Variants in UNC13B observed in about 807,000 individuals in gnomAD.
The protein encoded by UNC13B is unc-13 homolog B.
Under a neutral mutation model 211.0 loss-of-function variants are expected in UNC13B, and 144 were observed. That is an observed-to-expected ratio of 0.68 (90% CI 0.60 to 0.78). The LOEUF (loss-of-function observed/expected upper bound fraction) is 0.78, where lower values mean the gene tolerates loss of function less well. UNC13B is among the 30% of genes least tolerant of loss of function. The pLI, the probability that UNC13B is intolerant of heterozygous loss-of-function variation, is 0.00. For synonymous variants in UNC13B, 709 were observed against 725.8 expected, an observed-to-expected ratio of 0.98 and a Z score of 0.37; for missense variants, 1,777 against 2,002.0, an observed-to-expected ratio of 0.89 and a Z score of 2.14.
intron 6 of UNC13B, among the ~76,000 whole-genome samples, chr9:35,251,909 G>A (rs756307230): frequency 6.1e-4 from 92 of 151,584 alleles, no homozygotes; most frequent in Non-Finnish European, 1.6e-4. Context: ...CAGGCTGGTC[G>A]CAAACTTCTG....
intron 7 of UNC13B, among the ~76,000 whole-genome samples, chr9:35,259,847 C>G (rs932934383): frequency 4.0e-5 from 6 of 148,374 alleles, no homozygotes; most frequent in Non-Finnish European, 8.9e-5. Context: ...TTCTGAATCT[C>G]ATGCCAAACT....
At chr9:35,174,268 C>T (rs1312571682) in intron 1 of UNC13B, among the ~76,000 whole-genome samples, 3 of 151,758 alleles carry the variant, frequency 2.0e-5, no homozygotes. Flanking sequence ...GGTGATTCTC[C>T]TACCTTAGCC....
intron 26 of UNC13B, 50 bp downstream of exon 26, chr9:35,390,764 C>A (rs771203051): frequency 6.5e-7 from 1 of 1,533,676 alleles, no homozygotes; most frequent in Non-Finnish European, 8.9e-7. Flanking sequence ...GCCCAAGCTC[C>A]TCGTTCACTG....
intron 7 of UNC13B, chr9:35,291,143 T>A: frequency 6.5e-7 from 1 of 1,544,446 alleles, no homozygotes; most frequent in Non-Finnish European, 8.8e-7. Flanking sequence ...TTTCTTGATC[T>A]TACCCACAAA....
intron 7 of UNC13B, among the ~76,000 whole-genome samples, chr9:35,286,934 G>A (rs1362224128): frequency 2.0e-5 from 3 of 152,018 alleles, no homozygotes; most frequent in African/African-American, 7.2e-5. Context: ...ATCCTCTACC[G>A]TAGACGGGTA....
At chr9:35,361,936 A>G (rs933151445) in intron 11 of UNC13B, 1 of 152,272 alleles carries the variant, frequency 6.6e-6, no homozygotes, top group Non-Finnish European at 1.5e-5. Context: ...AATACAGGAC[A>G]CGTGAGGAGC....
intron 1 of UNC13B, among the ~76,000 whole-genome samples, chr9:35,192,052 C>T (rs1163353746): frequency 6.6e-6 from 1 of 152,154 alleles, no homozygotes; most frequent in Admixed American, 6.5e-5. Context: ...AGAGAGAAGC[C>T]AAAAGCCTGA....
At chr9:35,341,282 T>C (rs1351873436) in intron 11 of UNC13B, among the ~76,000 whole-genome samples, 2 of 152,222 alleles carry the variant, frequency 1.3e-5, no homozygotes, top group Non-Finnish European at 2.9e-5. Flanking sequence ...GAGCTCTTAT[T>C]TTCCAGTTGA....
chr9:35,315,940 G>A lies in UNC13B; in HGVS notation c.9414+1951G>A, dbSNP rs544078832. ...TGCTGTGCTCTTTTCAGAGCATTGCGTCAGAAAGTACCTGATGTCAACATG... is the reference window on the plus strand; with the variant it reads ...TGCTGTGCTCTTTTCAGAGCATTGCATCAGAAAGTACCTGATGTCAACATG... On this transcript the variant is annotated intron_variant, in intron 11 of 39. Transcript: ENST00000635942. Among the ~76,000 whole-genome samples, 156 of 152,300 alleles carry A rather than the reference G, an allele frequency of 1.0e-3. 1 individual carries two copies. The highest frequency in any genetic ancestry group is 1.4e-3 in the Non-Finnish European group (98 of 68,030).
rs756677044 is a variant in UNC13B at position 35,376,178 on chromosome 9, C to T, written c.9766C>T (p.Arg3256Cys). 81 of 1,613,974 alleles carry T rather than the reference C, an allele frequency of 5.0e-5. No individual in the cohort carries two copies. The highest frequency in any genetic ancestry group is 1.2e-4 in the Admixed American group (7 of 60,000). The stretch of plus-strand genomic sequence containing the variant: ...CTGGGGCATTGCCCGGCAGGGCATG[C>T]GCTGCAGCGAATGTGGAGTCAAGTG... ...LLWGIARQGMRCSECGVKCHE... is the reference protein window; with the variant it reads ...LLWGIARQGMCCSECGVKCHE... The change falls in exon 15 of 40, where the codon CGC becomes TGC. Residue 3256 changes from arginine (R) to cysteine (C), a missense_variant. Physicochemically the swap from Arg to Cys is radical, Grantham distance 180. Coordinates refer to ENST00000635942, the MANE Select transcript of UNC13B (RefSeq NM_001371189.2).
At position 35,301,178 on chromosome 9, in the gene UNC13B, A is replaced by C. The variant is rs1829662606; in HGVS notation, c.1774A>C (p.Lys592Gln). 5.0e-6 allele frequency: 2 copies of C among 398,832 alleles called. No individual in the cohort carries two copies. Among genetic ancestry groups the C allele is most frequent in the Non-Finnish European group, 8.9e-6 (2 of 225,970 alleles). 24.7% of individuals were successfully genotyped at this position (398,832 alleles called of 1,614,324 possible). Residue 592 changes from lysine to glutamine, a missense_variant, in exon 9 of 40, where the codon AAG becomes CAG. Physicochemically the swap from Lys to Gln is moderately conservative, Grantham distance 53 (BLOSUM62 1). Transcript: ENST00000635942. The part of the protein sequence containing the change: ...SKPRAMAVLG[K>Q]DLSMQSPLSS... The stretch of plus-strand genomic sequence containing the variant: ...ACCCAGAGCCATGGCAGTATTGGGG[A>C]AGGATCTTTCCATGCAATCTCCATT...
intron 11 of UNC13B, among the ~76,000 whole-genome samples, chr9:35,327,837 G>A (rs1488715702): frequency 6.6e-6 from 1 of 152,104 alleles, no homozygotes; most frequent in Non-Finnish European, 1.5e-5. Context: ...GCATCCTGAT[G>A]GTCTCAGTCC....
At chr9:35,210,479 C>T (rs186076552) in intron 1 of UNC13B, among the ~76,000 whole-genome samples, 14 of 151,976 alleles carry the variant, frequency 9.2e-5, no homozygotes, top group Admixed American at 4.6e-4. Context: ...TTCCTACTTG[C>T]GGGGCTGACA....
intron 7 of UNC13B, among the ~76,000 whole-genome samples, chr9:35,287,103 G>A (rs992855610): frequency 6.6e-6 from 1 of 151,078 alleles, no homozygotes; most frequent in African/African-American, 2.4e-5. Flanking sequence ...TTCCTTTAGA[G>A]TTAGTTTCAT....
At chr9:35,396,049 C>T (rs116637375) in intron 26 of UNC13B, among the ~76,000 whole-genome samples, 1 of 152,124 alleles carries the variant, frequency 6.6e-6, no homozygotes, top group Non-Finnish European at 1.5e-5. Context: ...CTCATCTCTG[C>T]CTTTAAGCCT....
intron 7 of UNC13B, among the ~76,000 whole-genome samples, chr9:35,269,531 C>G (rs1046948057): frequency 5.9e-5 from 9 of 152,186 alleles, no homozygotes; most frequent in Non-Finnish European, 1.2e-4. Context: ...TTAATTGGCT[C>G]AACCTTCAGC....
intron 1 of UNC13B, among the ~76,000 whole-genome samples, chr9:35,213,514 T>C (rs919392751): frequency 6.6e-6 from 1 of 152,162 alleles, no homozygotes; most frequent in African/African-American, 2.4e-5. Flanking sequence ...CAGCCTGACC[T>C]AATACATAAG....
chr9:35,225,359 C>T (rs990030461), intron 1 of UNC13B, among the ~76,000 whole-genome samples: 1 of 152,128 alleles, frequency 6.6e-6, no homozygotes, highest in African/African-American at 2.4e-5. Context: ...TGGGGTTTCC[C>T]ATGTTGGCCA....
intron 1 of UNC13B, among the ~76,000 whole-genome samples, chr9:35,211,622 G>T (rs1277158528): frequency 6.6e-6 from 1 of 152,150 alleles, no homozygotes; most frequent in Non-Finnish European, 1.5e-5. Context: ...GGAGAGCACA[G>T]GTCTGTGCTT....
Sources: allele counts gnomAD v4.1 joint callset (sites outside exome capture counted in the v4.1 genomes callset), GRCh38; gene constraint gnomAD v4.1.1; transcripts MANE v1.5; gene names NCBI Gene and HGNC (gene_info 2026-07-23, HGNC 2026-07-21).